Variants in SEC61A2 observed in about 807,000 individuals in gnomAD.
SEC61A2 encodes the protein SEC61 translocon subunit alpha 2.
SEC61A2 carries 28 observed loss-of-function variants against 59.9 expected under a neutral mutation model. The observed-to-expected ratio is 0.47, with a 90% confidence interval of 0.35 to 0.64. SEC61A2 has a LOEUF of 0.64. SEC61A2 is among the 30% of genes least tolerant of loss of function. SEC61A2 has a pLI of 0.01. For synonymous variants in SEC61A2, 202 were observed against 214.4 expected, an observed-to-expected ratio of 0.94 and a Z score of 0.50; for missense variants, 340 against 585.9, an observed-to-expected ratio of 0.58 and a Z score of 4.33.
rs756021456 is a variant in SEC61A2, at chr10:12,156,930, A to G, written c.640A>G (p.Ile214Val). 2.0e-5 allele frequency: 32 copies of G among 1,613,948 alleles called. No homozygotes were observed. The highest frequency in any genetic ancestry group is 7.7e-5 in the South Asian group (7 of 91,076). Residue 214 changes from isoleucine (I) to valine (V), a missense_variant, in exon 8 of 12, where the codon ATA becomes GTA. Coordinates refer to ENST00000298428, the MANE Select transcript of SEC61A2 (RefSeq NM_018144.4). This position sits in a 1 kb window ranked among gnomAD's most constrained non-coding sequence, Gnocchi z 5.2. Reference protein sequence around the residue: ...GRGTEFEGAVIALFHLLATRT... With the variant: ...GRGTEFEGAVVALFHLLATRT... ...AGGTACTGAGTTTGAGGGTGCAGTC[A>G]TAGCTCTGTTCCATTTGTTGGCCAC... is the stretch of plus-strand genomic sequence containing the variant.
intron 3 of SEC61A2, among the ~76,000 whole-genome samples, chr10:12,141,162 G>A (rs780467124): frequency 1.3e-5 from 2 of 152,176 alleles, no homozygotes; most frequent in Admixed American, 6.6e-5. Flanking sequence ...GGACTCCCAA[G>A]ATACTGGTGT....
chr10:12,133,212 A>G, intron 1 of SEC61A2, 29 bp from the exon 2 acceptor site: 1 of 1,083,846 alleles, frequency 9.2e-7, no homozygotes, highest in Non-Finnish European at 1.4e-6. Context: ...TCATAATAAT[A>G]GGAACATTTA....
At chr10:12,132,879 A>G (rs143565484) in intron 1 of SEC61A2, among the ~76,000 whole-genome samples, 29 of 152,150 alleles carry the variant, frequency 1.9e-4, no homozygotes, top group Non-Finnish European at 3.8e-4. Flanking sequence ...CCCTTTTTGT[A>G]TATGTAAAAT....
In SEC61A2 at chr10:12,142,308, T is replaced by G. The variant is rs1311121298; in HGVS notation, c.142-809T>G. On this transcript the variant is annotated intron_variant, in intron 3 of 11. Coordinates refer to ENST00000298428, the MANE Select transcript of SEC61A2 (RefSeq NM_018144.4). This position sits in a 1 kb window ranked among gnomAD's most constrained non-coding sequence, Gnocchi z 5.4. ...TGGTCTCCACCTTGGCCCCTAGTTG[T>G]GGCAACCAAAAATGTCTCTAGATAT... is the stretch of plus-strand genomic sequence containing the variant. The G allele has an allele frequency of 6.4e-6, 1 of 155,986 alleles. No individual in the cohort carries two copies. The highest frequency in any genetic ancestry group is 1.4e-5 in the Non-Finnish European group (1 of 71,534). 9.7% of individuals were successfully genotyped at this position (155,986 alleles called of 1,614,324 possible).
chr10:12,160,864 G>A lies in SEC61A2; in HGVS notation c.976-66G>A, dbSNP rs1834509350. The stretch of plus-strand genomic sequence containing the variant: ...CACTGTCATTTCTGAGAAGTTTGAA[G>A]TGACATGCAAATGTATTCCTGACTA... On this transcript the variant is annotated intron_variant, in intron 9 of 11. Coordinates refer to ENST00000298428, the MANE Select transcript of SEC61A2 (RefSeq NM_018144.4). This position sits in a 1 kb window ranked among gnomAD's most constrained non-coding sequence, Gnocchi z 4.1. 7.5e-7 allele frequency: 1 copy of A among 1,335,962 alleles called. No individual in the cohort carries two copies. Among genetic ancestry groups the A allele is most frequent in the Non-Finnish European group, 1.0e-6 (1 of 963,826 alleles). 82.8% of individuals were successfully genotyped at this position (1,335,962 alleles called of 1,614,324 possible). A position where few individuals can be genotyped will look rare whatever the true frequency, so the allele number is the denominator to read the frequency against.
rs1487460226 is a variant in SEC61A2 at position 12,152,677 on chromosome 10, G to A, written c.462+2716G>A. Among the ~76,000 whole-genome samples the A allele has an allele frequency of 4.6e-5, 7 of 151,784 alleles. No individual in the cohort carries two copies. The highest frequency in any genetic ancestry group is 4.2e-4 in the South Asian group (2 of 4,794). ...TGGGAGGCTGAGGCGGGCGGATCAC[G>A]AGGTCAGGAGATCGAGACCATCCTG... On this transcript the variant is annotated intron_variant, in intron 6 of 11. Transcript: ENST00000298428. The surrounding 1 kb of genome is among the most constrained non-coding windows in gnomAD (Gnocchi z 5.5).
At position 12,156,426 on chromosome 10, in the gene SEC61A2, C is replaced by T. The variant is rs1834397254; in HGVS notation, c.617-481C>T. On this transcript the variant is annotated intron_variant, in intron 7 of 11. Transcript: ENST00000298428. This position sits in a 1 kb window ranked among gnomAD's most constrained non-coding sequence, Gnocchi z 5.2. ...ATCTCCACTTCTAACAGATACTGTC[C>T]TAAGTGGTTAATACCTAAACTCTGA... is the stretch of plus-strand genomic sequence containing the variant. Among the ~76,000 whole-genome samples the T allele has an allele frequency of 6.6e-6, 1 of 152,146 alleles. No homozygotes were observed. Among genetic ancestry groups the T allele is most frequent in the African/African-American group, 2.4e-5 (1 of 41,422 alleles).
In SEC61A2 at chr10:12,157,905, T is replaced by G; in HGVS notation, c.778-3T>G. On this transcript the variant is annotated splice_polypyrimidine_tract_variant and splice_region_variant and intron_variant, in intron 8 of 11. Transcript: ENST00000298428. ...CCCACTTACTCTCCGTTTCCTTTTT[T>G]AGGGATTTCGCGTTGATCTGCCCAT... 6.2e-7 allele frequency: 1 copy of G among 1,614,072 alleles called. No homozygotes were observed. The highest frequency in any genetic ancestry group is 8.5e-7 in the Non-Finnish European group (1 of 1,179,988).
intron 3 of SEC61A2, among the ~76,000 whole-genome samples, chr10:12,139,609 C>A (rs1359624343): frequency 1.1e-4 from 17 of 151,916 alleles, no homozygotes; most frequent in Non-Finnish European, 1.5e-5. Flanking sequence ...ACAGTGAAAC[C>A]CCATCTCTAC....
chr10:12,165,164 T>G lies in SEC61A2; in HGVS notation c.*710T>G, dbSNP rs1345337620. ...TGCCTTCTAACTCCAACCAGTCACTTGAGAATATTCTTTCAAGATTCTGGG... is the reference window on the plus strand; with the variant it reads ...TGCCTTCTAACTCCAACCAGTCACTGGAGAATATTCTTTCAAGATTCTGGG... On this transcript the variant is annotated 3_prime_UTR_variant, in exon 12 of 12. Transcript: ENST00000298428. 4.1e-6 allele frequency: 4 copies of G among 985,340 alleles called. No homozygotes were observed. Among genetic ancestry groups the G allele is most frequent in the Non-Finnish European group, 4.8e-6 (4 of 829,938 alleles). 61.0% of individuals were successfully genotyped at this position (985,340 alleles called of 1,614,324 possible). A position where few individuals can be genotyped will look rare whatever the true frequency, so the allele number is the denominator to read the frequency against.
At chr10:12,134,651 G>A (rs1833843163) in intron 2 of SEC61A2, among the ~76,000 whole-genome samples, 1 of 152,160 alleles carries the variant, frequency 6.6e-6, no homozygotes, top group African/African-American at 2.4e-5. Context: ...TCTAGGCCCG[G>A]CACAGTGACT....
intron 1 of SEC61A2, chr10:12,130,637 G>A (rs539091619): frequency 1.3e-5 from 2 of 154,372 alleles, no homozygotes; most frequent in East Asian, 3.8e-4. Context: ...GATTGAGGTG[G>A]AGAGGAAAAG....
chr10:12,132,098 C>T (rs1373465755), intron 1 of SEC61A2, among the ~76,000 whole-genome samples: 3 of 147,852 alleles, frequency 2.0e-5, no homozygotes, highest in African/African-American at 2.5e-5. Context: ...GTCAGGAGTT[C>T]GAGACTAGCC....
At position 12,164,674 on chromosome 10, in the gene SEC61A2, T is replaced by C. The variant is rs3780860; in HGVS notation, c.*220T>C. ...TACATTATTCATTAAAAAAAGTACA[T>C]CTAGTGTTGCCTGTAATGCTGGAAA... On this transcript the variant is annotated 3_prime_UTR_variant, in exon 12 of 12. Coordinates refer to ENST00000298428, the MANE Select transcript of SEC61A2 (RefSeq NM_018144.4). This position sits in a 1 kb window ranked among gnomAD's most constrained non-coding sequence, Gnocchi z 7.3. The C allele has an allele frequency of 0.075, 100,822 of 1,339,694 alleles. 4,183 individuals are homozygous for C. The highest frequency in any genetic ancestry group is 0.085 in the Non-Finnish European group (88,826 of 1,050,270). 83.0% of individuals were successfully genotyped at this position (1,339,694 alleles called of 1,614,324 possible). A position where few individuals can be genotyped will look rare whatever the true frequency, so the allele number is the denominator to read the frequency against.
chr10:12,164,548 TCA>T lies in SEC61A2; in HGVS notation c.*97_*98del, dbSNP rs1042485154. ...CACTGGTGGCTCCCCTTTTCTCCCC[TCA>T]CAGTTTCTTGTTTCGAGTGCTGACT... On this transcript the variant is annotated 3_prime_UTR_variant, in exon 12 of 12. Coordinates refer to ENST00000298428, the MANE Select transcript of SEC61A2 (RefSeq NM_018144.4). The surrounding 1 kb of genome is among the most constrained non-coding windows in gnomAD (Gnocchi z 7.3). 66 of 1,517,654 alleles carry T rather than the reference TCA, an allele frequency of 4.3e-5. 1 individual carries two copies. The highest frequency in any genetic ancestry group is 3.4e-4 in the South Asian group (25 of 74,604). 94.0% of individuals were successfully genotyped at this position (1,517,654 alleles called of 1,614,324 possible).
intron 2 of SEC61A2, among the ~76,000 whole-genome samples, chr10:12,133,671 A>G (rs1833815631): frequency 6.6e-6 from 1 of 152,260 alleles, no homozygotes; most frequent in African/African-American, 2.4e-5. Context: ...GACTAGAAAT[A>G]ACCCAGTCTG....
At chr10:12,157,628 G>C (rs909115876) in intron 8 of SEC61A2, among the ~76,000 whole-genome samples, 3 of 151,382 alleles carry the variant, frequency 2.0e-5, no homozygotes, top group Non-Finnish European at 4.4e-5. Context: ...TCAGCCTCCT[G>C]AGTAGCTGGG....
In SEC61A2 at chr10:12,161,509, G is replaced by A. The variant is rs1165982337; in HGVS notation, c.1167+388G>A. Among the ~76,000 whole-genome samples, 3 of 152,206 alleles carry A rather than the reference G, an allele frequency of 2.0e-5. No homozygotes were observed. Among genetic ancestry groups the A allele is most frequent in the Non-Finnish European group, 4.4e-5 (3 of 68,046 alleles). ...TGTAATCCCAGCACTTCGGGAGGCC[G>A]AGGTGGGCAGATCCCATGGGTAGGA... is the stretch of plus-strand genomic sequence containing the variant. On this transcript the variant is annotated intron_variant, in intron 10 of 11. Coordinates refer to ENST00000298428, the MANE Select transcript of SEC61A2 (RefSeq NM_018144.4). This position sits in a 1 kb window ranked among gnomAD's most constrained non-coding sequence, Gnocchi z 5.4.
rs554832050 is a variant in SEC61A2, at chr10:12,149,257, T to C, written c.221-338T>C. 1.3e-5 allele frequency among the ~76,000 whole-genome samples: 2 copies of C among 152,160 alleles called. No individual in the cohort carries two copies. The highest frequency in any genetic ancestry group is 2.9e-5 in the Non-Finnish European group (2 of 67,982). The stretch of plus-strand genomic sequence containing the variant: ...GGTGCCCGCCACCACACCTGGCTAA[T>C]TTTTGCATTTTTAGTAGAGACGGGG... On this transcript the variant is annotated intron_variant, in intron 4 of 11. Coordinates refer to ENST00000298428, the MANE Select transcript of SEC61A2 (RefSeq NM_018144.4). This position sits in a 1 kb window ranked among gnomAD's most constrained non-coding sequence, Gnocchi z 5.2.
Sources: gnomAD v4.1 joint callset for allele counts (sites outside exome capture counted in the v4.1 genomes callset) on GRCh38, gnomAD v4.1.1 for gene constraint, Gnocchi (gnomAD v3.1) non-coding constraint, MANE v1.5 for transcripts, NCBI Gene and HGNC (gene_info 2026-07-23, HGNC 2026-07-21) for gene names.